The following PTPRK variants were observed in gnomAD, a reference collection of about 807,000 sequenced individuals.
The protein encoded by PTPRK is protein tyrosine phosphatase receptor type K.
In PTPRK, 75 loss-of-function variants were observed where a neutral mutation model predicts 178.0. The ratio of observed to expected loss-of-function variants is 0.42; its 90% confidence interval spans 0.35 to 0.51. The LOEUF (loss-of-function observed/expected upper bound fraction) is 0.51, where lower values mean the gene tolerates loss of function less well. PTPRK is among the 20% of genes least tolerant of loss of function. The pLI, the probability that PTPRK is intolerant of heterozygous loss-of-function variation, is 0.02. For missense variants in PTPRK, 1,441 were observed against 1,797.8 expected (o/e 0.80, Z 3.59); for synonymous variants, 637 against 620.6 (o/e 1.03, Z -0.39).
chr6:128,352,524 T>C (rs1310947328), intron 2 of PTPRK, among the ~76,000 whole-genome samples: 2 of 152,154 alleles, frequency 1.3e-5, no homozygotes, highest in Non-Finnish European at 2.9e-5. Context: ...CCTCCTATCT[T>C]CAAAGCTTAT....
At chr6:128,011,252 C>G (rs945096872) in intron 13 of PTPRK, among the ~76,000 whole-genome samples, 2 of 151,104 alleles carry the variant, frequency 1.3e-5, no homozygotes, top group Admixed American at 6.6e-5. Flanking sequence ...CATCATTATT[C>G]ACTAATCAAA....
intron 7 of PTPRK, among the ~76,000 whole-genome samples, chr6:128,139,714 C>T (rs1489787571): frequency 6.6e-6 from 1 of 151,996 alleles, no homozygotes; most frequent in East Asian, 1.9e-4. Flanking sequence ...GATGAGTCAT[C>T]TGGACTTCAG....
intron 1 of PTPRK, among the ~76,000 whole-genome samples, chr6:128,427,830 C>T (rs1477723310): frequency 5.3e-5 from 8 of 152,266 alleles, no homozygotes; most frequent in Non-Finnish European, 1.0e-4. Flanking sequence ...CGGTGGCTCA[C>T]GCCTGCAATC....
intron 3 of PTPRK, among the ~76,000 whole-genome samples, chr6:128,314,200 T>A (rs895081801): frequency 4.1e-4 from 63 of 152,344 alleles, no homozygotes; most frequent in African/African-American, 1.4e-3. Flanking sequence ...TCATATTTTT[T>A]AAATTTTAAT....
chr6:128,457,671 C>T (rs1477648539), intron 1 of PTPRK, among the ~76,000 whole-genome samples: 2 of 152,126 alleles, frequency 1.3e-5, no homozygotes, highest in Non-Finnish European at 2.9e-5. Flanking sequence ...ATCTCCCAGA[C>T]TAAGCTGAAT....
At position 127,991,395 on chromosome 6, in the gene PTPRK, C is replaced by A. The variant is rs779174452; in HGVS notation, c.2882-4G>T. The A allele has an allele frequency of 5.8e-6, 9 of 1,555,244 alleles. No individual in the cohort carries two copies. Among genetic ancestry groups the A allele is most frequent in the Middle Eastern group, 1.7e-4 (1 of 5,896 alleles). On this transcript the variant is annotated splice_polypyrimidine_tract_variant and splice_region_variant and intron_variant, in intron 19 of 29. Coordinates refer to ENST00000368226, the MANE Select transcript of PTPRK (RefSeq NM_002844.4). ...TACACTGTTTCATGAACGGGACCTA[C>A]AAAGAAATTAATTTGAATATTATGT...
At chr6:128,413,135 T>G (rs537003887) in intron 1 of PTPRK, among the ~76,000 whole-genome samples, 14 of 152,320 alleles carry the variant, frequency 9.2e-5, no homozygotes, top group Non-Finnish European at 1.9e-4. Context: ...ATATCTGTAT[T>G]TAAGCCCGCC....
chr6:128,266,228 A>G (rs191467767), intron 3 of PTPRK, among the ~76,000 whole-genome samples: 20 of 152,292 alleles, frequency 1.3e-4, no homozygotes, highest in Admixed American at 1.2e-3. Flanking sequence ...CTACTAGAAG[A>G]GCAAAAGGTC....
intron 3 of PTPRK, among the ~76,000 whole-genome samples, chr6:128,269,665 A>G (rs1235015322): frequency 6.6e-6 from 1 of 152,040 alleles, no homozygotes; most frequent in Non-Finnish European, 1.5e-5. Context: ...CTTAATTGGG[A>G]GAATGGCATA....
chr6:128,128,874 T>G (rs4498385), intron 7 of PTPRK, among the ~76,000 whole-genome samples: 21,426 of 152,174 alleles, frequency 0.14, 1,867 homozygotes, highest in African/African-American at 0.23. Flanking sequence ...CCAAAAAGAT[T>G]CATTTGAAAC....
chr6:128,324,371 A>C (rs1481205881), intron 2 of PTPRK, among the ~76,000 whole-genome samples: 1 of 152,150 alleles, frequency 6.6e-6, no homozygotes, highest in Admixed American at 6.6e-5. Context: ...GTCACATTTT[A>C]ATTATATAGC....
At chr6:128,467,031 G>A (rs565829715) in intron 1 of PTPRK, among the ~76,000 whole-genome samples, 1 of 151,856 alleles carries the variant, frequency 6.6e-6, no homozygotes, top group Admixed American at 6.6e-5. Context: ...TTTGAGGCAG[G>A]GTCTCACTCT....
intron 13 of PTPRK, among the ~76,000 whole-genome samples, chr6:128,018,130 G>C (rs1779824436): frequency 6.6e-6 from 1 of 151,682 alleles, no homozygotes; most frequent in Non-Finnish European, 1.5e-5. Context: ...ACTAGGTCTG[G>C]AGCGAATCAA....
intron 1 of PTPRK, among the ~76,000 whole-genome samples, chr6:128,486,119 A>T (rs925948849): frequency 6.6e-6 from 1 of 152,166 alleles, no homozygotes; most frequent in African/African-American, 2.4e-5. Flanking sequence ...CCCACAGAAT[A>T]CTACCAAAAA....
At chr6:128,407,649 AAAAAAAG>A (rs1286443114) in intron 1 of PTPRK, among the ~76,000 whole-genome samples, 1 of 150,666 alleles carries the variant, frequency 6.6e-6, no homozygotes, top group African/African-American at 2.4e-5. Flanking sequence ...AAAAAAAAAA[AAAAAAAG>A]AAGAAGAAGA....
intron 6 of PTPRK, among the ~76,000 whole-genome samples, chr6:128,207,700 T>C (rs1442476452): frequency 1.3e-5 from 2 of 152,148 alleles, no homozygotes; most frequent in African/African-American, 4.8e-5. Context: ...ATCTAATATG[T>C]TGAAATTATA....
chr6:128,350,669 T>C (rs899049873), intron 2 of PTPRK, among the ~76,000 whole-genome samples: 1 of 152,212 alleles, frequency 6.6e-6, no homozygotes, highest in Non-Finnish European at 1.5e-5. Flanking sequence ...TTCTAGTTAC[T>C]CTAGAATAAC....
chr6:128,258,676 C>T (rs570705061), intron 3 of PTPRK, among the ~76,000 whole-genome samples: 3 of 152,224 alleles, frequency 2.0e-5, no homozygotes, highest in African/African-American at 7.2e-5. Flanking sequence ...GACCAAAGTG[C>T]TAAGGCAAGG....
Position 128,520,495 on chromosome 6 carries a change from C to T in PTPRK, c.-137G>A. The T allele has an allele frequency of 1.3e-6, 1 of 788,228 alleles. No individual in the cohort carries two copies. Among genetic ancestry groups the T allele is most frequent in the Admixed American group, 2.7e-5 (1 of 37,716 alleles). 48.8% of individuals were successfully genotyped at this position (788,228 alleles called of 1,614,324 possible). ...GACAGCCGCCCGCCCGCCCTTTTTC[C>T]TTCTTCGCGGTCGCCAAACTACCTC... is the stretch of plus-strand genomic sequence containing the variant. On this transcript the variant is annotated 5_prime_UTR_variant, in exon 1 of 30. Coordinates refer to ENST00000368226, the MANE Select transcript of PTPRK (RefSeq NM_002844.4).
Sources: gnomAD v4.1 joint callset for allele counts (sites outside exome capture counted in the v4.1 genomes callset) on GRCh38, gnomAD v4.1.1 for gene constraint, MANE v1.5 for transcripts, NCBI Gene and HGNC (gene_info 2026-07-23, HGNC 2026-07-21) for gene names.